Variants in RBM26 observed in about 807,000 individuals in gnomAD.
RBM26 encodes RNA-binding protein 26.
Under a neutral mutation model 123.6 loss-of-function variants are expected in RBM26, and 30 were observed. That is an observed-to-expected ratio of 0.24 (90% confidence interval 0.18 to 0.33). RBM26 has a LOEUF of 0.33. Ranked by LOEUF, RBM26 falls within the 10% of genes least tolerant of loss-of-function variation. The pLI is 1.00. For missense variants in RBM26, 947 were observed against 1,203.6 expected (o/e 0.79, Z 3.15); for synonymous variants, 400 against 404.4 (o/e 0.99, Z 0.13).
Position 79,333,485 on chromosome 13 carries a change from T to C in RBM26, c.2820+859A>G, listed in dbSNP as rs189269325. ...TCACTACAAAGAGGATAAATAAATG[T>C]AGAGGTTTTTTCAAAACTTATTTAA... is the stretch of plus-strand genomic sequence containing the variant. On this transcript the variant is annotated intron_variant, in intron 20 of 21. Transcript: ENST00000438737. Among the ~76,000 whole-genome samples the C allele has an allele frequency of 4.2e-4, 64 of 152,348 alleles. No individual in the cohort carries two copies. In the Middle Eastern group the frequency reaches 0.01, roughly 24 times the overall value.
At chr13:79,371,490 T>G (rs139573338) in intron 4 of RBM26, among the ~76,000 whole-genome samples, 5 of 152,166 alleles carry the variant, frequency 3.3e-5, no homozygotes, top group Non-Finnish European at 7.4e-5. Flanking sequence ...ATGTATCACA[T>G]GCATTGTATT....
chr13:79,376,197 AGTTT>A (rs1176564118), intron 3 of RBM26: 8 of 152,038 alleles, frequency 5.3e-5, no homozygotes, highest in African/African-American at 1.2e-4. Flanking sequence ...CTAAAATTAT[AGTTT>A]GTTTGTTTTT....
chr13:79,314,281 T>C (rs1443471908), downstream of RBM26: 1 of 151,690 alleles, frequency 6.6e-6, no homozygotes, highest in Non-Finnish European at 1.5e-5. Flanking sequence ...GTCAAAAAAA[T>C]GTGAAAAAAT....
At chr13:79,371,430 A>C (rs1287984590) in intron 4 of RBM26, among the ~76,000 whole-genome samples, 1 of 152,218 alleles carries the variant, frequency 6.6e-6, no homozygotes, top group African/African-American at 2.4e-5. Context: ...TATAAGACTT[A>C]GAGTACATAT....
intron 14 of RBM26, among the ~76,000 whole-genome samples, chr13:79,350,667 T>A (rs1394791376): frequency 6.6e-6 from 1 of 152,090 alleles, no homozygotes; most frequent in Non-Finnish European, 1.5e-5. Flanking sequence ...TTTGTGTATT[T>A]ATTTAGTTTA....
chr13:79,401,095 C>A (rs184997012), intron 1 of RBM26, among the ~76,000 whole-genome samples: 2 of 152,194 alleles, frequency 1.3e-5, no homozygotes, highest in Non-Finnish European at 2.9e-5. Flanking sequence ...TCAAAGGAAT[C>A]AAAAATACTC....
chr13:79,318,808 T>C, downstream of RBM26: 12 of 983,780 alleles, frequency 1.2e-5, no homozygotes, highest in Non-Finnish European at 1.4e-5. Flanking sequence ...AAGATTTACT[T>C]TCTTTGTAAT....
chr13:79,362,743 G>A (rs148716788), intron 9 of RBM26, among the ~76,000 whole-genome samples: 4 of 152,206 alleles, frequency 2.6e-5, no homozygotes, highest in East Asian at 1.9e-4. Context: ...CGTACCTGAA[G>A]GTTCACTAAG....
At chr13:79,372,979 C>A (rs1359829156) in intron 3 of RBM26, among the ~76,000 whole-genome samples, 1 of 784 alleles carries the variant, frequency 1.3e-3, no homozygotes, top group African/African-American at 2.8e-3. Flanking sequence ...TAAGATATAT[C>A]TTATATATTA....
At chr13:79,322,284 A>T in intron 21 of RBM26, 65 bp downstream of exon 21, 1 of 1,068,110 alleles carries the variant, frequency 9.4e-7, no homozygotes, top group Non-Finnish European at 1.3e-6. Context: ...GGCCATAAAA[A>T]TCACATTTTA....
intron 1 of RBM26, among the ~76,000 whole-genome samples, chr13:79,380,482 G>A (rs1028200897): frequency 7.2e-6 from 1 of 139,220 alleles, no homozygotes; most frequent in Non-Finnish European, 1.6e-5. Context: ...GACAGGGTAA[G>A]AAGGGAAAGT....
chr13:79,382,777 G>A (rs1429347186), intron 1 of RBM26, among the ~76,000 whole-genome samples: 1 of 152,160 alleles, frequency 6.6e-6, no homozygotes, highest in Non-Finnish European at 1.5e-5. Context: ...ACAGGAAAGA[G>A]TGCTGCTCTC....
At chr13:79,347,353 C>T (rs939054120) in intron 14 of RBM26, among the ~76,000 whole-genome samples, 5 of 152,140 alleles carry the variant, frequency 3.3e-5, no homozygotes, top group South Asian at 2.1e-4. Flanking sequence ...CACAGCCCAA[C>T]GTCAGAGGTG....
intron 14 of RBM26, 75 bp from the exon 15 acceptor site, chr13:79,344,869 T>C (rs1285168769): frequency 7.1e-7 from 1 of 1,411,096 alleles, no homozygotes; most frequent in Non-Finnish European, 9.8e-7. Flanking sequence ...AGACTCAACT[T>C]TAAAGCACTA....
intron 20 of RBM26, among the ~76,000 whole-genome samples, chr13:79,324,901 A>T (rs1049563409): frequency 1.3e-5 from 2 of 152,022 alleles, no homozygotes; most frequent in Non-Finnish European, 2.9e-5. Flanking sequence ...AACTTGTTTT[A>T]TTCCTTGATT....
At chr13:79,322,325 A>G (rs1325810840) in intron 21 of RBM26, 24 bp downstream of exon 21, 2 of 1,450,224 alleles carry the variant, frequency 1.4e-6, no homozygotes, top group African/African-American at 1.5e-5. Flanking sequence ...AAGGGTAAAA[A>G]TAAGTGGAAA....
downstream of RBM26, chr13:79,314,580 C>CT (rs1334639370): frequency 6.6e-6 from 1 of 152,032 alleles, no homozygotes; most frequent in African/African-American, 2.4e-5. Flanking sequence ...TCATGTTTAA[C>CT]TTTTTAATTC....
chr13:79,315,114 A>G, downstream of RBM26: 2 of 483,666 alleles, frequency 4.1e-6, no homozygotes, highest in Non-Finnish European at 3.6e-6. Flanking sequence ...TTTGAGAAAG[A>G]AATCAAAATC....
chr13:79,368,756 G>C lies in RBM26; in HGVS notation c.869C>G (p.Pro290Arg), dbSNP rs1243500048. 1 of 1,613,714 alleles carries C rather than the reference G, an allele frequency of 6.2e-7. No homozygotes were observed. The highest frequency in any genetic ancestry group is 8.5e-7 in the Non-Finnish European group (1 of 1,179,856). Residue 290 changes from proline (P) to arginine (R), a missense_variant, in exon 6 of 22, where the codon CCA (proline) becomes CGA (arginine). Coordinates refer to ENST00000438737, the MANE Select transcript of RBM26 (RefSeq NM_001366735.2). ...ATCATAGTCTCTACACCGTTTCTTT[G>C]GCATGGGTGGTCTTACGTAAGAGTT... ...DHNSYVRPPM[P>R]KKRCRDYDEK...
Sources: gnomAD v4.1 joint callset for allele counts (sites outside exome capture counted in the v4.1 genomes callset) on GRCh38, gnomAD v4.1.1 for gene constraint, MANE v1.5 for transcripts, NCBI Gene and HGNC (gene_info 2026-07-23, HGNC 2026-07-21) for gene names.